The following FGF13 variants were observed in gnomAD, a reference collection of about 807,000 sequenced individuals.
FGF13 encodes the protein fibroblast growth factor 13.
In FGF13, 2 loss-of-function variants were observed where a neutral mutation model predicts 19.5. The observed-to-expected ratio is 0.10, with a 90% CI of 0.04 to 0.32. The LOEUF (loss-of-function observed/expected upper bound fraction) is 0.32, where lower values mean the gene tolerates loss of function less well. FGF13 is among the 10% of genes least tolerant of loss of function. The pLI is 1.00. For synonymous variants in FGF13, 72 were observed against 76.9 expected, an observed-to-expected ratio of 0.94 and a Z score of 0.33; for missense variants, 113 against 192.7, an observed-to-expected ratio of 0.59 and a Z score of 2.45.
At chrX:138,867,782 AATCTATCTATCTATCT>A (rs11461039) in intron 1 of FGF13, among the ~76,000 whole-genome samples, 1,560 of 94,471 alleles carry the variant, frequency 0.017, 30 homozygotes, top group African/African-American at 0.056. Flanking sequence ...ACTGTCTCTA[AATCTATCTATCTATCT>A]ATCTATCTAT....
In FGF13 at chrX:139,039,846, G is replaced by C. The variant is rs936036885; in HGVS notation, c.-113+163570C>G. Among the ~76,000 whole-genome samples the C allele has an allele frequency of 5.4e-5, 6 of 111,813 alleles. No individual in the cohort carries two copies. In the East Asian group the frequency reaches 8.4e-4, roughly 16 times the overall value. On this transcript the variant is annotated intron_variant, in intron 1 of 2. Coordinates refer to the FGF13 transcript ENST00000421460. ...ATTTAGATGGCATCCCAGGCAAAGA[G>C]AACACCTGCAGATCAGATTTCTGAA... is the stretch of plus-strand genomic sequence containing the variant.
intron 3 of FGF13, among the ~76,000 whole-genome samples, chrX:138,699,393 A>C (rs1245966234): frequency 3.6e-5 from 4 of 111,466 alleles, no homozygotes; most frequent in Non-Finnish European, 5.7e-5. Flanking sequence ...AAATATGTTC[A>C]AGTGACATCC....
Position 138,663,407 on chromosome X carries a change from G to A in FGF13, c.403-27752C>T, listed in dbSNP as rs955917725. Among the ~76,000 whole-genome samples, 103 of 111,166 alleles carry A rather than the reference G, an allele frequency of 9.3e-4. 2 individuals are homozygous for A. The highest frequency in any genetic ancestry group is 3.3e-3 in the African/African-American group (101 of 30,642). On this transcript the variant is annotated intron_variant, in intron 3 of 4. Coordinates refer to ENST00000315930, the MANE Select transcript of FGF13 (RefSeq NM_004114.5). Reference sequence around the variant, plus strand: ...TCCATAAAGCAGTTAACATCACCTTGATTATTTATATACACAGATAGTTGA... The same window carrying A: ...TCCATAAAGCAGTTAACATCACCTTAATTATTTATATACACAGATAGTTGA...
chrX:139,004,132 A>G (rs776555701), intron 1 of FGF13, among the ~76,000 whole-genome samples: 323 of 112,228 alleles, frequency 2.9e-3, no homozygotes, highest in African/African-American at 9.7e-3. Context: ...TGGGTGGGAG[A>G]CTCAGGCATG....
intron 1 of FGF13, among the ~76,000 whole-genome samples, chrX:139,093,206 C>G (rs750037455): frequency 8.9e-6 from 1 of 112,348 alleles, no homozygotes; most frequent in Non-Finnish European, 1.9e-5. Flanking sequence ...GGTCAGCTTT[C>G]TGCAACACAC....
chrX:139,100,544 GA>G (rs1223103489), intron 1 of FGF13, among the ~76,000 whole-genome samples: 1 of 108,065 alleles, frequency 9.3e-6, no homozygotes, highest in Non-Finnish European at 1.9e-5. Context: ...ACTACCAACT[GA>G]AAAAAAAACT....
At chrX:139,049,154 G>T (rs1439455963) in intron 1 of FGF13, among the ~76,000 whole-genome samples, 5 of 110,824 alleles carry the variant, frequency 4.5e-5, no homozygotes. Context: ...CTCATATGTG[G>T]AAGCTAAAAA....
At chrX:139,118,385 A>G (rs1028553453) in intron 1 of FGF13, among the ~76,000 whole-genome samples, 4 of 111,884 alleles carry the variant, frequency 3.6e-5, no homozygotes, top group Non-Finnish European at 7.5e-5. Flanking sequence ...CTTTCACACC[A>G]TTATAAAGTT....
At chrX:138,689,441 TG>T (rs2089817670) in intron 3 of FGF13, among the ~76,000 whole-genome samples, 1 of 110,760 alleles carries the variant, frequency 9.0e-6, no homozygotes, top group African/African-American at 3.3e-5. Context: ...GGACCATGAG[TG>T]GTTCCAGCAA....
intron 3 of FGF13, among the ~76,000 whole-genome samples, chrX:138,647,878 CTGTT>C (rs1481356687): frequency 8.9e-6 from 1 of 112,136 alleles, no homozygotes; most frequent in Non-Finnish European, 1.9e-5. Flanking sequence ...ACAATGTAGA[CTGTT>C]AAAGTATTTG....
At chrX:138,725,511 T>C (rs2090178735) in intron 1 of FGF13, among the ~76,000 whole-genome samples, 1 of 111,312 alleles carries the variant, frequency 9.0e-6, no homozygotes, top group Non-Finnish European at 1.9e-5. Flanking sequence ...ACAGTTCCTT[T>C]ATGTCTCATT....
intron 2 of FGF13, among the ~76,000 whole-genome samples, chrX:138,863,347 A>G (rs923472278): frequency 4.5e-5 from 5 of 111,580 alleles, no homozygotes; most frequent in Non-Finnish European, 9.4e-5. Context: ...TAGCCTTCCC[A>G]TGATGCTAAG....
chrX:139,105,751 A>G (rs2124460935), intron 1 of FGF13, among the ~76,000 whole-genome samples: 1 of 112,413 alleles, frequency 8.9e-6, no homozygotes, highest in Non-Finnish European at 1.9e-5. Flanking sequence ...TCTTTTTAGA[A>G]TACATTATGT....
At chrX:138,686,983 T>C (rs2089789283) in intron 3 of FGF13, among the ~76,000 whole-genome samples, 1 of 111,856 alleles carries the variant, frequency 8.9e-6, no homozygotes, top group Non-Finnish European at 1.9e-5. Flanking sequence ...CCTACCACAT[T>C]CAACATATAC....
chrX:139,019,587 C>T (rs916352991), intron 1 of FGF13, among the ~76,000 whole-genome samples: 1 of 111,060 alleles, frequency 9.0e-6, no homozygotes, highest in Non-Finnish European at 1.9e-5. Flanking sequence ...ACAGGCATTT[C>T]GATGAAGGTG....
At chrX:138,773,454 G>A (rs1024606192) in intron 3 of FGF13, among the ~76,000 whole-genome samples, 2 of 112,018 alleles carry the variant, frequency 1.8e-5, no homozygotes, top group Admixed American at 1.9e-4. Flanking sequence ...CCACTTGGAC[G>A]TTTTTACAAC....
chrX:138,754,648 T>C lies in FGF13; in HGVS notation c.218-45720A>G, dbSNP rs971151536. ...GGCTGGCAAAAGTTCTTTACACTGA[T>C]ACAAAACTTGCTAAATGGTAAAAGT... On this transcript the variant is annotated intron_variant, in intron 3 of 6. Coordinates refer to the FGF13 transcript ENST00000436198. Among the ~76,000 whole-genome samples the C allele has an allele frequency of 2.7e-5, 3 of 111,642 alleles. 1 individual carries two copies. The highest frequency in any genetic ancestry group is 5.6e-5 in the Non-Finnish European group (3 of 53,145).
At chrX:139,117,295 G>C (rs769448655) in intron 1 of FGF13, among the ~76,000 whole-genome samples, 1 of 111,330 alleles carries the variant, frequency 9.0e-6, no homozygotes, top group African/African-American at 3.3e-5. Flanking sequence ...TGCACATGAC[G>C]GTCCTACACA....
intron 1 of FGF13, among the ~76,000 whole-genome samples, chrX:138,981,318 T>TAC (rs57954256): frequency 0.012 from 1,203 of 96,977 alleles, 18 homozygotes; most frequent in African/African-American, 0.037. Context: ...ATTGTGTGCT[T>TAC]ACACACACAC....
Sources: allele counts gnomAD v4.1 joint callset (sites outside exome capture counted in the v4.1 genomes callset), GRCh38; gene constraint gnomAD v4.1.1; transcripts MANE v1.5; gene names NCBI Gene and HGNC (gene_info 2026-07-23, HGNC 2026-07-21).